The following SEMA3A variants were observed in gnomAD, a reference collection of about 807,000 sequenced individuals.
The protein encoded by SEMA3A is semaphorin 3A, also known as semaphorin-3A.
Under a neutral mutation model 97.9 loss-of-function variants are expected in SEMA3A, and 29 were observed. That is an observed-to-expected ratio of 0.30 (90% CI 0.22 to 0.40). The LOEUF (loss-of-function observed/expected upper bound fraction) is 0.40, where lower values mean the gene tolerates loss of function less well. Ranked by LOEUF, SEMA3A falls within the 10% of genes least tolerant of loss-of-function variation. The pLI is 1.00. For missense variants in SEMA3A, 763 were observed against 951.3 expected, an observed-to-expected ratio of 0.80 and a Z score of 2.60; for synonymous variants, 321 against 323.7, an observed-to-expected ratio of 0.99 and a Z score of 0.09.
At chr7:84,049,841 T>A (rs1409576419) in intron 5 of SEMA3A, among the ~76,000 whole-genome samples, 1 of 148,308 alleles carries the variant, frequency 6.7e-6, no homozygotes, top group African/African-American at 2.5e-5. Flanking sequence ...ATTAGGTATA[T>A]CTCCCAATGC....
chr7:83,991,645 C>A (rs962391823), intron 12 of SEMA3A, among the ~76,000 whole-genome samples: 2 of 151,910 alleles, frequency 1.3e-5, no homozygotes, highest in African/African-American at 4.9e-5. Context: ...TATATTGAAC[C>A]AGCGTTGCAT....
chr7:84,093,219 C>T (rs182864477), intron 4 of SEMA3A, among the ~76,000 whole-genome samples: 1 of 152,244 alleles, frequency 6.6e-6, no homozygotes, highest in East Asian at 1.9e-4. Context: ...GAGAGATGAA[C>T]AAATGGTCTT....
chr7:84,414,851 G>GA (rs1279564105), intron 1 of SEMA3A, among the ~76,000 whole-genome samples: 1 of 151,794 alleles, frequency 6.6e-6, no homozygotes, highest in Non-Finnish European at 1.5e-5. Context: ...ATAAATAAAC[G>GA]AATCAGCAAA....
At chr7:84,106,034 T>G (rs1262066791) in intron 4 of SEMA3A, among the ~76,000 whole-genome samples, 1 of 152,166 alleles carries the variant, frequency 6.6e-6, no homozygotes, top group East Asian at 1.9e-4. Flanking sequence ...AATTCCCAAA[T>G]GTACCACAGG....
At chr7:84,134,269 C>G (rs187124286) in intron 2 of SEMA3A, among the ~76,000 whole-genome samples, 2 of 152,096 alleles carry the variant, frequency 1.3e-5, no homozygotes, top group Non-Finnish European at 2.9e-5. Flanking sequence ...CCAGTTGATA[C>G]CCTTTGTAAC....
At chr7:84,423,579 AATAG>A (rs945375679) in intron 1 of SEMA3A, among the ~76,000 whole-genome samples, 2 of 152,052 alleles carry the variant, frequency 1.3e-5, no homozygotes, top group African/African-American at 2.4e-5. Context: ...TTTTTGTCGA[AATAG>A]ATAGTTATAT....
Position 84,478,732 on chromosome 7 carries a change from C to A in SEMA3A, c.-246+13728G>T, listed in dbSNP as rs147732249. 1.1e-4 allele frequency among the ~76,000 whole-genome samples: 16 copies of A among 151,864 alleles called. No homozygotes were observed. The East Asian group carries it at 2.7e-3, about 26-fold the overall frequency. On this transcript the variant is annotated intron_variant, in intron 1 of 3. Transcript: ENST00000424555. ...TTTAAAGAAAGGAATTTCATTTATTCTTTTTCTCTGTTATAATTTGACATT... is the reference window on the plus strand; with the variant it reads ...TTTAAAGAAAGGAATTTCATTTATTATTTTTCTCTGTTATAATTTGACATT...
intron 1 of SEMA3A, among the ~76,000 whole-genome samples, chr7:84,193,846 G>A (rs982608213): frequency 2.0e-5 from 3 of 151,986 alleles, no homozygotes; most frequent in Non-Finnish European, 4.4e-5. Context: ...AGTACATATA[G>A]AATTAAATAA....
chr7:84,067,714 C>T (rs1261154135), intron 4 of SEMA3A, among the ~76,000 whole-genome samples: 1 of 151,936 alleles, frequency 6.6e-6, no homozygotes, highest in African/African-American at 2.4e-5. Context: ...AAATCAAAAC[C>T]ACAATAAGAT....
intron 1 of SEMA3A, among the ~76,000 whole-genome samples, chr7:84,480,300 A>C (rs1322684254): frequency 6.6e-6 from 1 of 152,186 alleles, no homozygotes; most frequent in African/African-American, 2.4e-5. Context: ...TATACTAGGA[A>C]TGGAGAATGG....
At chr7:84,237,081 T>C (rs1322025230) in intron 3 of SEMA3A, among the ~76,000 whole-genome samples, 2 of 152,080 alleles carry the variant, frequency 1.3e-5, no homozygotes, top group Admixed American at 6.6e-5. Flanking sequence ...GGAAAAGCAA[T>C]GCCCAACATT....
intron 1 of SEMA3A, among the ~76,000 whole-genome samples, chr7:84,144,190 T>C (rs1009570587): frequency 2.6e-4 from 39 of 151,840 alleles, no homozygotes; most frequent in African/African-American, 9.2e-4. Flanking sequence ...GTGAGGTGTG[T>C]TCACAGAAGA....
At chr7:84,435,653 A>C (rs1805108293) in intron 1 of SEMA3A, among the ~76,000 whole-genome samples, 1 of 152,090 alleles carries the variant, frequency 6.6e-6, no homozygotes, top group Admixed American at 6.6e-5. Flanking sequence ...ACTACAAAAC[A>C]CTGATGAAAG....
chr7:84,138,225 C>A (rs201495853), intron 1 of SEMA3A, among the ~76,000 whole-genome samples: 1 of 149,312 alleles, frequency 6.7e-6, no homozygotes, highest in East Asian at 2.0e-4. Flanking sequence ...TATTTTTTTT[C>A]TTTTTTTTTA....
At chr7:84,200,058 C>T (rs1432718029), upstream of SEMA3A, among the ~76,000 whole-genome samples, 1 of 151,876 alleles carries the variant, frequency 6.6e-6, no homozygotes, top group African/African-American at 2.4e-5. Context: ...CTCCCTTTGA[C>T]TCTCCCACCC....
At chr7:84,334,591 T>C (rs1801990867) in intron 2 of SEMA3A, among the ~76,000 whole-genome samples, 1 of 152,036 alleles carries the variant, frequency 6.6e-6, no homozygotes, top group Non-Finnish European at 1.5e-5. Context: ...TCCTTGGTCC[T>C]GGCCCTCGCT....
In SEMA3A at chr7:84,187,596, T is replaced by A. The variant is rs1409563958; in HGVS notation, c.112+6879A>T. Among the ~76,000 whole-genome samples, 3 of 152,142 alleles carry A rather than the reference T, an allele frequency of 2.0e-5. No homozygotes were observed. In the East Asian group the frequency reaches 5.8e-4, roughly 29 times the overall value. On this transcript the variant is annotated intron_variant, in intron 1 of 16. Transcript: ENST00000265362. ...ATAGTATTACTCTCACAATCCTTTG[T>A]GCACTCTTAAATGCCTTGACTGATA...
intron 4 of SEMA3A, among the ~76,000 whole-genome samples, chr7:84,097,516 T>C (rs1794812744): frequency 6.6e-6 from 1 of 152,112 alleles, no homozygotes; most frequent in Non-Finnish European, 1.5e-5. Flanking sequence ...TGCGAATTGA[T>C]TTTAGATCCC....
chr7:84,440,203 T>C (rs1431641161), intron 1 of SEMA3A, among the ~76,000 whole-genome samples: 1 of 152,186 alleles, frequency 6.6e-6, no homozygotes, highest in Non-Finnish European at 1.5e-5. Flanking sequence ...TTTTTGGAAA[T>C]CTGGAGTCCG....
Sources: allele counts gnomAD v4.1 joint callset (sites outside exome capture counted in the v4.1 genomes callset), GRCh38; gene constraint gnomAD v4.1.1; transcripts MANE v1.5; gene names NCBI Gene and HGNC (gene_info 2026-07-23, HGNC 2026-07-21).